Variants in TRPC1 observed in about 807,000 individuals in gnomAD.
The protein encoded by TRPC1 is transient receptor potential cation channel subfamily C member 1, also known as short transient receptor potential channel 1.
TRPC1 carries 42 observed loss-of-function variants against 88.2 expected under a neutral mutation model. That is an observed-to-expected ratio of 0.48 (90% CI 0.37 to 0.62). The LOEUF is 0.62. TRPC1 is among the 20% of genes least tolerant of loss of function. The pLI is 0.00. For synonymous variants in TRPC1, 288 were observed against 331.8 expected, an observed-to-expected ratio of 0.87 and a Z score of 1.43; for missense variants, 699 against 957.3, an observed-to-expected ratio of 0.73 and a Z score of 3.56.
At position 142,767,003 on chromosome 3, in the gene TRPC1, A is replaced by C. The variant is rs1379031890; in HGVS notation, c.633-10629A>C. Reference sequence around the variant, plus strand: ...TCAATTTTTACAAAAACATCTGCTTAGATTTTTGAGAGAGATTGTGTTGAA... The same window carrying C: ...TCAATTTTTACAAAAACATCTGCTTCGATTTTTGAGAGAGATTGTGTTGAA... On this transcript the variant is annotated intron_variant, in intron 4 of 12. Coordinates refer to ENST00000476941, the MANE Select transcript of TRPC1 (RefSeq NM_001251845.2). This position sits in a 1 kb window ranked among gnomAD's most constrained non-coding sequence, Gnocchi z 5.1. 6.6e-6 allele frequency among the ~76,000 whole-genome samples: 1 copy of C among 152,224 alleles called. No homozygotes were observed. The highest frequency in any genetic ancestry group is 1.5e-5 in the Non-Finnish European group (1 of 68,034).
Position 142,743,520 on chromosome 3 carries a change from A to AGT in TRPC1, c.364_365dup (p.Val123Ter). 1 of 1,526,194 alleles carries AGT rather than the reference A, an allele frequency of 6.6e-7. No individual in the cohort carries two copies. The highest frequency in any genetic ancestry group is 8.8e-7 in the Non-Finnish European group (1 of 1,142,810). The allele number at this position is 1,526,194 out of a possible 1,614,324, so 94.5% of individuals were successfully genotyped here. ...CACTTTTGGTGGCAATCGACTCTGA[A>AGT]GTAGTGGGAGCTGTTGATATACTAC... On this transcript the variant is annotated frameshift_variant, in exon 3 of 13. Transcript: ENST00000476941. LOFTEE classifies it high-confidence loss of function.
At position 142,748,232 on chromosome 3, in the gene TRPC1, T is replaced by G. The variant is rs745526976; in HGVS notation, c.430-26T>G. 7 of 1,577,724 alleles carry G rather than the reference T, an allele frequency of 4.4e-6. No individual in the cohort carries two copies. In the Admixed American group the frequency reaches 1.2e-4, roughly 27 times the overall value. Reference sequence around the variant, plus strand: ...TTTTTGAAGTCACAAATAATAACTTTGGACATTTATATAAATATTTTTCAG... The same window carrying G: ...TTTTTGAAGTCACAAATAATAACTTGGGACATTTATATAAATATTTTTCAG... On this transcript the variant is annotated intron_variant, in intron 3 of 12. Coordinates refer to ENST00000476941, the MANE Select transcript of TRPC1 (RefSeq NM_001251845.2).
intron 4 of TRPC1, among the ~76,000 whole-genome samples, chr3:142,753,227 T>C (rs55820583): frequency 0.07 from 10,690 of 152,276 alleles, 1,227 homozygotes; most frequent in African/African-American, 0.24. Context: ...AGGGGAGCTA[T>C]GACTTGACAT....
intron 11 of TRPC1, 25 bp from the exon 12 acceptor site, chr3:142,804,411 G>A: frequency 2.5e-6 from 4 of 1,580,064 alleles, no homozygotes; most frequent in Non-Finnish European, 3.4e-6. Context: ...ATTCTAGTTT[G>A]CTTTTTAATT....
At chr3:142,771,034 C>T (rs1935558744) in intron 4 of TRPC1, among the ~76,000 whole-genome samples, 1 of 151,978 alleles carries the variant, frequency 6.6e-6, no homozygotes, top group African/African-American at 2.4e-5. Context: ...GAAGGTGGTG[C>T]CAGGTTCTTT....
rs1030885410 is a variant in TRPC1, at chr3:142,753,188, T to C, written c.632+4728T>C. Reference sequence around the variant, plus strand: ...ACACTTTACCTGGCTTGGTTTGAGGTTGGGGGACAAACTTGTTTGAAGGCT... The same window carrying C: ...ACACTTTACCTGGCTTGGTTTGAGGCTGGGGGACAAACTTGTTTGAAGGCT... On this transcript the variant is annotated intron_variant, in intron 4 of 12. Transcript: ENST00000476941. 2.6e-5 allele frequency among the ~76,000 whole-genome samples: 4 copies of C among 152,092 alleles called. No individual in the cohort carries two copies. In the East Asian group the frequency reaches 7.7e-4, roughly 29 times the overall value.
chr3:142,771,399 C>A (rs1455374051), intron 4 of TRPC1, among the ~76,000 whole-genome samples: 1 of 152,076 alleles, frequency 6.6e-6, no homozygotes, highest in Non-Finnish European at 1.5e-5. Context: ...TGGTCTCGAA[C>A]TCCTGGACTC....
intron 4 of TRPC1, 48 bp downstream of exon 4, chr3:142,748,508 A>G: frequency 6.3e-7 from 1 of 1,576,006 alleles, no homozygotes; most frequent in Middle Eastern, 1.7e-4. Flanking sequence ...ATATATCAAC[A>G]ATGTTGATTT....
intron 3 of TRPC1, 83 bp from the exon 4 acceptor site, chr3:142,748,175 A>AT (rs1934626085): frequency 9.6e-6 from 12 of 1,253,596 alleles, no homozygotes; most frequent in Non-Finnish European, 1.3e-5. Context: ...GTGCCTTCCT[A>AT]TTTTTTCATT....
At chr3:142,747,120 G>C (rs1374883990) in intron 3 of TRPC1, among the ~76,000 whole-genome samples, 1 of 152,146 alleles carries the variant, frequency 6.6e-6, no homozygotes, top group Non-Finnish European at 1.5e-5. Flanking sequence ...TGATCTTGGA[G>C]ATATTAATGA....
chr3:142,742,982 A>G (rs550019927), intron 2 of TRPC1, among the ~76,000 whole-genome samples: 1 of 152,298 alleles, frequency 6.6e-6, no homozygotes, highest in African/African-American at 2.4e-5. Context: ...TTAGTCAGCC[A>G]TGTGTTTTAA....
intron 7 of TRPC1, among the ~76,000 whole-genome samples, chr3:142,789,519 G>A (rs780117949): frequency 3.3e-5 from 5 of 152,242 alleles, no homozygotes; most frequent in East Asian, 1.9e-4. Flanking sequence ...TTTGAACAGA[G>A]ATCTTCAAGA....
intron 1 of TRPC1, 37 bp from the exon 2 acceptor site, chr3:142,736,342 C>T: frequency 6.7e-7 from 1 of 1,483,088 alleles, no homozygotes; most frequent in Non-Finnish European, 9.0e-7. Flanking sequence ...CTTGATATGT[C>T]ACGGATATTA....
intron 1 of TRPC1, among the ~76,000 whole-genome samples, chr3:142,730,605 G>C (rs1384799070): frequency 8.4e-6 from 1 of 118,568 alleles, no homozygotes; most frequent in Non-Finnish European, 1.8e-5. Context: ...AGTCTGCATG[G>C]GTTTTTTTTT....
chr3:142,740,093 A>G lies in TRPC1; in HGVS notation c.328-3392A>G, dbSNP rs1237681097. 2.6e-5 allele frequency among the ~76,000 whole-genome samples: 4 copies of G among 152,316 alleles called. No homozygotes were observed. In the East Asian group the frequency reaches 5.8e-4, roughly 22 times the overall value. The stretch of plus-strand genomic sequence containing the variant: ...ATGAGAATCTAACCAATGCCTGATG[A>G]TCTGAGGTGGAACAGTTTCATCCGA... On this transcript the variant is annotated intron_variant, in intron 2 of 12. Coordinates refer to ENST00000476941, the MANE Select transcript of TRPC1 (RefSeq NM_001251845.2).
chr3:142,729,488 T>G (rs73003968), intron 1 of TRPC1, among the ~76,000 whole-genome samples: 10,718 of 152,168 alleles, frequency 0.07, 1,227 homozygotes, highest in African/African-American at 0.24. Flanking sequence ...AGTGCTCAAT[T>G]TAACTTAAAT....
chr3:142,799,513 T>G (rs1321755287), intron 9 of TRPC1, among the ~76,000 whole-genome samples: 1 of 152,066 alleles, frequency 6.6e-6, no homozygotes, highest in Non-Finnish European at 1.5e-5. Context: ...ACCATGCTAT[T>G]AAACAAGTCA....
At chr3:142,735,249 T>A (rs1934084510) in intron 1 of TRPC1, among the ~76,000 whole-genome samples, 1 of 152,212 alleles carries the variant, frequency 6.6e-6, no homozygotes, top group East Asian at 1.9e-4. Context: ...GTAGCAAATT[T>A]ACTTGAAATT....
At chr3:142,775,826 C>G (rs964938637) in intron 4 of TRPC1, among the ~76,000 whole-genome samples, 1 of 152,058 alleles carries the variant, frequency 6.6e-6, no homozygotes, top group Non-Finnish European at 1.5e-5. Context: ...TCATTTTAAA[C>G]CACCTATAAA....
Sources: allele counts gnomAD v4.1 joint callset (sites outside exome capture counted in the v4.1 genomes callset), GRCh38; gene constraint gnomAD v4.1.1; non-coding constraint Gnocchi (gnomAD v3.1); transcripts MANE v1.5; gene names NCBI Gene and HGNC (gene_info 2026-07-23, HGNC 2026-07-21).